MACROD2: variants seen among roughly 807,000 people sequenced by gnomAD.
The protein encoded by MACROD2 is mono-ADP ribosylhydrolase 2, also known as ADP-ribose glycohydrolase MACROD2.
Under a neutral mutation model 70.4 loss-of-function variants are expected in MACROD2, and 36 were observed. The observed-to-expected ratio is 0.51, with a 90% CI of 0.39 to 0.68. The LOEUF (loss-of-function observed/expected upper bound fraction) is 0.68, where lower values mean the gene tolerates loss of function less well. Ranked by LOEUF, MACROD2 falls within the 30% of genes least tolerant of loss-of-function variation. The pLI is 0.00. For missense variants in MACROD2, 496 were observed against 538.4 expected (o/e 0.92, Z 0.78); for synonymous variants, 172 against 178.8 (o/e 0.96, Z 0.30).
chr20:14,492,869 A>G (rs2084810075), intron 3 of MACROD2, among the ~76,000 whole-genome samples: 2 of 152,140 alleles, frequency 1.3e-5, no homozygotes, highest in Admixed American at 1.3e-4. Flanking sequence ...TCCAAATGGA[A>G]TTGTTTTATA....
At chr20:15,201,311 C>G (rs1479088520) in intron 5 of MACROD2, among the ~76,000 whole-genome samples, 2 of 152,022 alleles carry the variant, frequency 1.3e-5, no homozygotes, top group East Asian at 3.9e-4. Context: ...ACATACCAAG[C>G]AGATGAATAC....
intron 3 of MACROD2, among the ~76,000 whole-genome samples, chr20:14,357,645 C>T (rs1421906254): frequency 6.6e-6 from 1 of 152,170 alleles, no homozygotes; most frequent in Non-Finnish European, 1.5e-5. Context: ...CAAATACAGC[C>T]TATAAAACTA....
At chr20:14,631,379 A>G (rs1017664918) in intron 4 of MACROD2, among the ~76,000 whole-genome samples, 6 of 152,210 alleles carry the variant, frequency 3.9e-5, no homozygotes, top group Admixed American at 6.5e-5. Context: ...CTATAAAGCC[A>G]TACTCCTGAT....
At chr20:14,863,710 G>A (rs1467940019) in intron 5 of MACROD2, among the ~76,000 whole-genome samples, 3 of 152,028 alleles carry the variant, frequency 2.0e-5, no homozygotes, top group Admixed American at 6.6e-5. Context: ...ATTGCTAAGA[G>A]CTTTACATCC....
intron 3 of MACROD2, among the ~76,000 whole-genome samples, chr20:14,236,474 TAAAA>T (rs937584796): frequency 2.0e-5 from 3 of 150,828 alleles, no homozygotes; most frequent in East Asian, 1.9e-4. Context: ...CTTGCTTACT[TAAAA>T]AAAAAGCAAA....
chr20:14,862,056 T>TATTTTTATATATATAAATATATAAAAAA (rs1555839570), intron 5 of MACROD2, among the ~76,000 whole-genome samples: 1 of 16,726 alleles, frequency 6.0e-5, no homozygotes, highest in Non-Finnish European at 1.1e-4. Flanking sequence ...TATATTTATA[T>TATTTTTATATATATAAATATATAAAAAA]ATATATAAAT....
At chr20:15,484,764 A>G (rs1461488480) in intron 7 of MACROD2, among the ~76,000 whole-genome samples, 3 of 152,166 alleles carry the variant, frequency 2.0e-5, no homozygotes, top group East Asian at 3.9e-4. Flanking sequence ...CCCTGGATGA[A>G]TGGATCCCCT....
At chr20:15,616,962 G>T (rs2049048236) in intron 8 of MACROD2, among the ~76,000 whole-genome samples, 1 of 152,178 alleles carries the variant, frequency 6.6e-6, no homozygotes, top group African/African-American at 2.4e-5. Context: ...GGGCACTTCA[G>T]ATCTCAAACA....
intron 7 of MACROD2, among the ~76,000 whole-genome samples, chr20:15,495,108 C>A (rs188283746): frequency 7.2e-5 from 11 of 152,308 alleles, no homozygotes; most frequent in Admixed American, 2.0e-4. Flanking sequence ...TGTAGCCTCC[C>A]CTCCGGGTGG....
chr20:15,523,411 G>A (rs781212042), intron 8 of MACROD2, among the ~76,000 whole-genome samples: 2 of 152,222 alleles, frequency 1.3e-5, no homozygotes, highest in South Asian at 4.1e-4. Context: ...AGTGGCTAAA[G>A]AATGCTGTTG....
intron 8 of MACROD2, among the ~76,000 whole-genome samples, chr20:15,620,777 TTTTG>T (rs376631029): frequency 5.3e-5 from 8 of 152,050 alleles, no homozygotes; most frequent in Non-Finnish European, 1.0e-4. Flanking sequence ...CAAGCTGTTT[TTTTG>T]TTTGTTTGTT....
intron 6 of MACROD2, among the ~76,000 whole-genome samples, chr20:15,351,499 C>A (rs1280642001): frequency 6.6e-6 from 1 of 152,140 alleles, no homozygotes; most frequent in African/African-American, 2.4e-5. Context: ...CAACCTGACT[C>A]CACAGGAAAG....
At chr20:15,640,897 T>C (rs2049449935) in intron 8 of MACROD2, among the ~76,000 whole-genome samples, 2 of 152,220 alleles carry the variant, frequency 1.3e-5, no homozygotes, top group Admixed American at 1.3e-4. Context: ...CTGCCTCGTC[T>C]GCCATCCCAC....
chr20:14,812,127 C>T (rs1330156607), intron 5 of MACROD2, among the ~76,000 whole-genome samples: 1 of 152,050 alleles, frequency 6.6e-6, no homozygotes, highest in Non-Finnish European at 1.5e-5. Context: ...CACATGCACA[C>T]ATATGTTTAT....
chr20:15,190,929 A>G (rs1005042941), intron 5 of MACROD2, among the ~76,000 whole-genome samples: 2 of 152,112 alleles, frequency 1.3e-5, no homozygotes, highest in Non-Finnish European at 2.9e-5. Context: ...GTTGGTTTGG[A>G]TATGAAAAGC....
In MACROD2 at chr20:14,468,720, C is replaced by G. The variant is rs1050193605; in HGVS notation, c.272-24759C>G. Among the ~76,000 whole-genome samples the G allele has an allele frequency of 2.0e-5, 3 of 152,054 alleles. 1 individual carries two copies. The highest frequency in any genetic ancestry group is 7.3e-5 in the African/African-American group (3 of 41,354). On this transcript the variant is annotated intron_variant, in intron 3 of 17. Transcript: ENST00000684519. ...AGAGTTGGGGTTTTATCATGTTGACCAGGCTGGTCTTGAACTCTAGACCTT... is the reference window on the plus strand; with the variant it reads ...AGAGTTGGGGTTTTATCATGTTGACGAGGCTGGTCTTGAACTCTAGACCTT...
chr20:15,270,968 C>T (rs2077341137), intron 6 of MACROD2, among the ~76,000 whole-genome samples: 1 of 152,158 alleles, frequency 6.6e-6, no homozygotes, highest in Admixed American at 6.5e-5. Flanking sequence ...CTGTGTCTTA[C>T]AACTTATTAT....
chr20:14,742,286 A>G (rs2071742257), intron 5 of MACROD2, among the ~76,000 whole-genome samples: 2 of 152,294 alleles, frequency 1.3e-5, no homozygotes, highest in Middle Eastern at 3.4e-3. Context: ...ACAATTTCTG[A>G]AAATGATTTC....
At chr20:15,933,424 T>C (rs1177746774) in intron 11 of MACROD2, 86 bp downstream of exon 11, 9 of 1,268,178 alleles carry the variant, frequency 7.1e-6, no homozygotes, top group Non-Finnish European at 1.0e-5. Context: ...TGTCTGAAAA[T>C]GCTTATACAT....
Sources: gnomAD v4.1 joint callset for allele counts (sites outside exome capture counted in the v4.1 genomes callset) on GRCh38, gnomAD v4.1.1 for gene constraint, MANE v1.5 for transcripts, NCBI Gene and HGNC (gene_info 2026-07-23, HGNC 2026-07-21) for gene names.